Variants in LRMDA observed in about 807,000 individuals in gnomAD.
LRMDA encodes the protein leucine rich melanocyte differentiation associated.
Under a neutral mutation model 29.8 loss-of-function variants are expected in LRMDA, and 18 were observed. That is an observed-to-expected ratio of 0.60 (90% CI 0.42 to 0.90). The LOEUF (loss-of-function observed/expected upper bound fraction) is 0.90, where lower values mean the gene tolerates loss of function less well. Among genes scored for constraint, LRMDA ranks in the 40% least tolerant of loss-of-function variants. The probability of loss-of-function intolerance (pLI) is 0.00; values close to 1 mark genes in which losing one functional copy is unlikely to be tolerated. For missense variants in LRMDA, 273 were observed against 273.9 expected, an observed-to-expected ratio of 1.00 and a Z score of 0.02; for synonymous variants, 125 against 109.4, an observed-to-expected ratio of 1.14 and a Z score of -0.89.
rs1015560079 is a variant in LRMDA, at chr10:76,358,137, T to A, written c.601+33652T>A. 3.3e-5 allele frequency among the ~76,000 whole-genome samples: 5 copies of A among 152,278 alleles called. No individual in the cohort carries two copies. The South Asian group carries it at 6.2e-4, about 19-fold the overall frequency. On this transcript the variant is annotated intron_variant, in intron 6 of 6. Coordinates refer to ENST00000611255, the MANE Select transcript of LRMDA (RefSeq NM_001305581.2). ...AAATGGTAAATGGCCTCAAGCAAGC[T>A]AAAAGCAGATCCCTCAGCTTTATTC...
chr10:76,206,438 G>A (rs189630192), intron 5 of LRMDA, among the ~76,000 whole-genome samples: 1 of 152,308 alleles, frequency 6.6e-6, no homozygotes, highest in Admixed American at 6.5e-5. Context: ...CAGTAGTACA[G>A]GAAAGTATGC....
intron 5 of LRMDA, among the ~76,000 whole-genome samples, chr10:76,214,428 T>G (rs969704095): frequency 2.8e-5 from 4 of 142,366 alleles, no homozygotes; most frequent in African/African-American, 1.1e-4. Flanking sequence ...CACTGTAAGC[T>G]CCGCTTCCCA....
Position 75,574,766 on chromosome 10 carries a change from G to C in LRMDA, c.131+136272G>C, listed in dbSNP as rs77236424. On this transcript the variant is annotated intron_variant, in intron 2 of 6. Coordinates refer to ENST00000611255, the MANE Select transcript of LRMDA (RefSeq NM_001305581.2). ...TTACCTGAGCCAAGGTTTCTTCCAG[G>C]ACTTCCAGACTCAGGTGTTTAACTG... Among the ~76,000 whole-genome samples, 62 of 152,270 alleles carry C rather than the reference G, an allele frequency of 4.1e-4. No homozygotes were observed. In the East Asian group the frequency reaches 7.5e-3, roughly 18 times the overall value.
At chr10:75,748,948 C>G (rs752379877) in intron 2 of LRMDA, among the ~76,000 whole-genome samples, 15 of 152,046 alleles carry the variant, frequency 9.9e-5, no homozygotes, top group South Asian at 4.2e-4. Flanking sequence ...TACATACATA[C>G]ACATTACATG....
intron 5 of LRMDA, among the ~76,000 whole-genome samples, chr10:76,087,235 C>G (rs1849151936): frequency 6.6e-6 from 1 of 152,050 alleles, no homozygotes; most frequent in Non-Finnish European, 1.5e-5. Context: ...CTGTCTTCAT[C>G]CGAGGAAGCA....
Position 75,431,663 on chromosome 10 carries a change from TCCCCGCTGCTGCCGCCGCGC to T in LRMDA, c.-55_-36del. On this transcript the variant is annotated 5_prime_UTR_variant, in exon 1 of 7. Transcript: ENST00000611255. ...CGCCCGCCGCGCTCCCCTGCCGCGCTCCCCGCTGCTGCCGCCGCGCCCCCGCGCTCCGTCCCGCGCGCCCG... is the reference window on the plus strand; with the variant it reads ...CGCCCGCCGCGCTCCCCTGCCGCGCTCCCCGCGCTCCGTCCCGCGCGCCCG... The T allele has an allele frequency of 1.6e-6, 2 of 1,238,096 alleles. No homozygotes were observed. Among genetic ancestry groups the T allele is most frequent in the African/African-American group, 1.6e-5 (1 of 63,264 alleles). The allele number at this position is 1,238,096 out of a possible 1,614,324, so 76.7% of individuals were successfully genotyped here. A position where few individuals can be genotyped will look rare whatever the true frequency, so the allele number is the denominator to read the frequency against.
At chr10:75,474,185 G>A (rs1418754713) in intron 2 of LRMDA, among the ~76,000 whole-genome samples, 1 of 152,198 alleles carries the variant, frequency 6.6e-6, no homozygotes. Flanking sequence ...TGTGATTAAT[G>A]CAGGAATACC....
Position 75,594,687 on chromosome 10 carries a change from A to AG in LRMDA, c.131+156199dup, listed in dbSNP as rs1840764856. ...GATTTGTTATTTAATTGGTCATAGT[A>AG]GGGGGGATCCTAGCATATGCGAGAC... On this transcript the variant is annotated intron_variant, in intron 2 of 6. Coordinates refer to ENST00000611255, the MANE Select transcript of LRMDA (RefSeq NM_001305581.2). 5.9e-5 allele frequency among the ~76,000 whole-genome samples: 9 copies of AG among 152,314 alleles called. 1 individual carries two copies. The South Asian group carries it at 1.9e-3, about 32-fold the overall frequency.
chr10:76,232,536 G>T (rs901948880), intron 5 of LRMDA, among the ~76,000 whole-genome samples: 2 of 152,202 alleles, frequency 1.3e-5, no homozygotes, highest in African/African-American at 4.8e-5. Flanking sequence ...ATTCTAGACT[G>T]ATGCAGGATT....
intron 2 of LRMDA, among the ~76,000 whole-genome samples, chr10:75,490,440 T>G (rs1844972966): frequency 1.3e-5 from 2 of 152,208 alleles, no homozygotes; most frequent in South Asian, 4.1e-4. Context: ...AATGTCAGCT[T>G]CTTTTTCACT....
chr10:76,543,430 C>T (rs2132387364), intron 6 of LRMDA, among the ~76,000 whole-genome samples: 1 of 151,570 alleles, frequency 6.6e-6, no homozygotes, highest in South Asian at 2.1e-4. Context: ...TCTCCCTGGC[C>T]TTATATGACA....
At chr10:76,107,477 G>A (rs1054082434) in intron 5 of LRMDA, among the ~76,000 whole-genome samples, 4 of 152,182 alleles carry the variant, frequency 2.6e-5, no homozygotes, top group Admixed American at 6.5e-5. Flanking sequence ...GCCTTTTGAG[G>A]TTGGGCCAGG....
intron 5 of LRMDA, among the ~76,000 whole-genome samples, chr10:76,208,989 A>T (rs568925022): frequency 6.0e-4 from 92 of 152,112 alleles, no homozygotes; most frequent in Middle Eastern, 3.4e-3. Context: ...CCTTGTCTCT[A>T]CTAAAAATAC....
intron 6 of LRMDA, among the ~76,000 whole-genome samples, chr10:76,420,644 TC>T (rs1842062935): frequency 1.3e-5 from 2 of 152,204 alleles, no homozygotes; most frequent in East Asian, 3.9e-4. Flanking sequence ...TTTCTTCTTT[TC>T]TAATATATGC....
At chr10:75,796,674 G>GCGATTCTCCTGCCTCAGCCTCC (rs2132257103) in intron 2 of LRMDA, among the ~76,000 whole-genome samples, 1 of 152,354 alleles carries the variant, frequency 6.6e-6, no homozygotes, top group South Asian at 2.1e-4. Context: ...CCGGGTTCAA[G>GCGATTCTCCTGCCTCAGCCTCC]CGATTCTCCT....
intron 2 of LRMDA, among the ~76,000 whole-genome samples, chr10:75,454,305 G>C (rs898114691): frequency 6.6e-6 from 1 of 152,110 alleles, no homozygotes; most frequent in Non-Finnish European, 1.5e-5. Flanking sequence ...ACTTTCTACA[G>C]ACCCACCTTG....
At chr10:75,721,254 C>A (rs2132187730) in intron 2 of LRMDA, among the ~76,000 whole-genome samples, 1 of 152,096 alleles carries the variant, frequency 6.6e-6, no homozygotes, top group Middle Eastern at 3.4e-3. Context: ...TCTTTGAAGA[C>A]CGGGTAGGTG....
chr10:76,236,924 C>T (rs1852163695), intron 5 of LRMDA, among the ~76,000 whole-genome samples: 1 of 152,232 alleles, frequency 6.6e-6, no homozygotes, highest in Non-Finnish European at 1.5e-5. Flanking sequence ...ATGCTAACAT[C>T]TACTATAATT....
intron 5 of LRMDA, among the ~76,000 whole-genome samples, chr10:76,108,142 C>A (rs1402617259): frequency 6.6e-6 from 1 of 152,124 alleles, no homozygotes; most frequent in African/African-American, 2.4e-5. Flanking sequence ...AAATACTAGC[C>A]TTTAAATGTC....
Sources: allele counts gnomAD v4.1 joint callset (sites outside exome capture counted in the v4.1 genomes callset), GRCh38; gene constraint gnomAD v4.1.1; transcripts MANE v1.5; gene names NCBI Gene and HGNC (gene_info 2026-07-23, HGNC 2026-07-21).